STIM1: variants seen among roughly 807,000 people sequenced by gnomAD.
STIM1 encodes stromal interaction molecule 1.
In STIM1, 25 loss-of-function variants were observed where a neutral mutation model predicts 74.7. The observed-to-expected ratio is 0.33, with a 90% CI of 0.24 to 0.47. The LOEUF is 0.47. STIM1 is among the 20% of genes least tolerant of loss of function. STIM1 has a pLI of 1.00. For missense variants in STIM1, 728 were observed against 920.8 expected, an observed-to-expected ratio of 0.79 and a Z score of 2.71; for synonymous variants, 328 against 348.8, an observed-to-expected ratio of 0.94 and a Z score of 0.66.
rs566613771 is a variant in STIM1, at chr11:4,031,159, A to G, written c.385+7172A>G. On this transcript the variant is annotated intron_variant, in intron 3 of 12. Coordinates refer to ENST00000526596, the MANE Select transcript of STIM1 (RefSeq NM_001382567.1). ...AGTTATATAATATGTACTTTTAAAA[A>G]ATAATCTGGCCACTTTCACTCAGTG... Among the ~76,000 whole-genome samples, 94 of 152,340 alleles carry G rather than the reference A, an allele frequency of 6.2e-4. No homozygotes were observed. The South Asian group carries it at 0.011, about 17-fold the overall frequency.
chr11:4,083,152 G>T, intron 9 of STIM1, 111 bp from the exon 10 acceptor site: 1 of 1,288,254 alleles, frequency 7.8e-7, no homozygotes, highest in South Asian at 1.2e-5. Flanking sequence ...TGAGTTTATT[G>T]TGTGTTTTAT....
intron 12 of STIM1, chr11:4,089,200 G>C (rs1043688808): frequency 7.5e-5 from 14 of 187,122 alleles, no homozygotes; most frequent in South Asian, 3.4e-4. Flanking sequence ...TCCAGCCTGG[G>C]CAACAGAGCA....
intron 1 of STIM1, among the ~76,000 whole-genome samples, chr11:3,943,997 T>C (rs1332010823): frequency 6.6e-6 from 1 of 152,280 alleles, no homozygotes; most frequent in African/African-American, 2.4e-5. Context: ...GATTTTTTTT[T>C]TAAGTTGTGT....
intron 1 of STIM1, among the ~76,000 whole-genome samples, chr11:3,908,508 AG>A (rs1227261618): frequency 1.3e-5 from 2 of 151,614 alleles, no homozygotes; most frequent in African/African-American, 4.9e-5. Flanking sequence ...GCTACCTGGG[AG>A]GCTGAGACAG....
Position 4,011,660 on chromosome 11 carries a change from C to G in STIM1, c.271-12213C>G, listed in dbSNP as rs192303579. 1.2e-3 allele frequency among the ~76,000 whole-genome samples: 188 copies of G among 152,202 alleles called. 2 individuals are homozygous for G. The highest frequency in any genetic ancestry group is 0.012 in the South Asian group (57 of 4,822). ...AGATGGATAGTGCAAAAATTTTCTCCCATTCTATAGGTTGCCCGTTCGCTC... is the reference window on the plus strand; with the variant it reads ...AGATGGATAGTGCAAAAATTTTCTCGCATTCTATAGGTTGCCCGTTCGCTC... On this transcript the variant is annotated intron_variant, in intron 2 of 12. Coordinates refer to ENST00000526596, the MANE Select transcript of STIM1 (RefSeq NM_001382567.1).
intron 5 of STIM1, among the ~76,000 whole-genome samples, chr11:4,061,290 T>C (rs1420302477): frequency 6.6e-6 from 1 of 152,088 alleles, no homozygotes; most frequent in Non-Finnish European, 1.5e-5. Flanking sequence ...GTGGAGCAGG[T>C]TGGACTGATA....
intron 2 of STIM1, among the ~76,000 whole-genome samples, chr11:4,018,267 G>A (rs893529357): frequency 6.7e-6 from 1 of 150,312 alleles, no homozygotes; most frequent in Non-Finnish European, 1.5e-5. Context: ...GGCTAACAAG[G>A]TGAAACCCCG....
chr11:4,012,537 G>A (rs778029406), intron 2 of STIM1, among the ~76,000 whole-genome samples: 1 of 152,150 alleles, frequency 6.6e-6, no homozygotes, highest in African/African-American at 2.4e-5. Flanking sequence ...TCTGTTCTTG[G>A]TGTATAGGAA....
At chr11:3,989,203 C>G in intron 2 of STIM1, 1 of 916,092 alleles carries the variant, frequency 1.1e-6, no homozygotes, top group East Asian at 2.4e-5. Flanking sequence ...AGAGGCTGGA[C>G]TCTCCTCAGT....
At chr11:3,965,411 T>G (rs1363691256) in intron 1 of STIM1, among the ~76,000 whole-genome samples, 1 of 152,218 alleles carries the variant, frequency 6.6e-6, no homozygotes, top group African/African-American at 2.4e-5. Flanking sequence ...GAGATATGAT[T>G]CATGTTTTTA....
intron 2 of STIM1, among the ~76,000 whole-genome samples, chr11:3,998,188 A>G (rs887252439): frequency 2.6e-5 from 4 of 152,160 alleles, no homozygotes; most frequent in Non-Finnish European, 5.9e-5. Context: ...TTCCCTCAAC[A>G]TGAGGGTTGT....
intron 2 of STIM1, among the ~76,000 whole-genome samples, chr11:4,023,149 T>C (rs2093971699): frequency 6.6e-6 from 1 of 151,944 alleles, no homozygotes; most frequent in African/African-American, 2.4e-5. Context: ...TGGGCAATGG[T>C]GAAACCCTAT....
At chr11:3,988,087 G>C (rs968228097) in intron 2 of STIM1, among the ~76,000 whole-genome samples, 11 of 152,304 alleles carry the variant, frequency 7.2e-5, no homozygotes, top group Non-Finnish European at 1.3e-4. Context: ...TGGAAATGGA[G>C]TCCTAGAGGT....
intron 7 of STIM1, among the ~76,000 whole-genome samples, chr11:4,077,128 C>A (rs1318349557): frequency 6.6e-6 from 1 of 151,128 alleles, no homozygotes; most frequent in Admixed American, 6.6e-5. Context: ...GCAGGAGTAG[C>A]TATATATTGA....
At chr11:4,052,392 C>G (rs1268823255) in intron 3 of STIM1, among the ~76,000 whole-genome samples, 2 of 152,114 alleles carry the variant, frequency 1.3e-5, no homozygotes, top group African/African-American at 4.8e-5. Context: ...AAACAGAGAT[C>G]TAGACCAATG....
chr11:3,895,579 G>A (rs2092037408), intron 1 of STIM1, among the ~76,000 whole-genome samples: 1 of 147,768 alleles, frequency 6.8e-6, no homozygotes, highest in African/African-American at 2.5e-5. Flanking sequence ...TCGGCTCTGG[G>A]TTCCGGGAAT....
chr11:3,992,757 G>A (rs896755451), intron 2 of STIM1, among the ~76,000 whole-genome samples: 1 of 152,182 alleles, frequency 6.6e-6, no homozygotes, highest in Non-Finnish European at 1.5e-5. Flanking sequence ...GGCATCTGAA[G>A]CTTAATGTGC....
intron 2 of STIM1, among the ~76,000 whole-genome samples, chr11:4,012,840 A>G (rs2093852307): frequency 6.6e-6 from 1 of 152,182 alleles, no homozygotes; most frequent in Admixed American, 6.5e-5. Context: ...TTGCCCATTC[A>G]GTATTATATT....
chr11:3,876,601 G>T (rs1245821657), intron 1 of STIM1, among the ~76,000 whole-genome samples: 1 of 152,086 alleles, frequency 6.6e-6, no homozygotes, highest in African/African-American at 2.4e-5. Context: ...TAGAGGCAGG[G>T]TTTCACTGTG....
Sources: allele counts gnomAD v4.1 joint callset (sites outside exome capture counted in the v4.1 genomes callset), GRCh38; gene constraint gnomAD v4.1.1; transcripts MANE v1.5; gene names NCBI Gene and HGNC (gene_info 2026-07-23, HGNC 2026-07-21).